The following DLG2 variants were observed in gnomAD, a reference collection of about 807,000 sequenced individuals.
DLG2 encodes the protein disks large homolog 2.
A neutral mutation model predicts 132.5 loss-of-function variants in DLG2; 45 were observed. That is an observed-to-expected ratio of 0.34 (90% CI 0.27 to 0.44). The LOEUF (loss-of-function observed/expected upper bound fraction) is 0.44, where lower values mean the gene tolerates loss of function less well. DLG2 is among the 20% of genes least tolerant of loss of function. The probability of loss-of-function intolerance (pLI) is 1.00; values close to 1 mark genes in which losing one functional copy is unlikely to be tolerated. For missense variants in DLG2, 1,045 were observed against 1,196.9 expected (o/e 0.87, Z 1.87); for synonymous variants, 424 against 419.6 (o/e 1.01, Z -0.13).
chr11:83,929,515 T>C (rs2079737734), intron 15 of DLG2, among the ~76,000 whole-genome samples: 1 of 152,216 alleles, frequency 6.6e-6, no homozygotes, highest in African/African-American at 2.4e-5. Flanking sequence ...ATTTATCATA[T>C]ATAGGCTTTG....
At chr11:84,238,987 A>G (rs10751112) in intron 8 of DLG2, among the ~76,000 whole-genome samples, 24,069 of 152,222 alleles carry the variant, frequency 0.16, 2,115 homozygotes, top group East Asian at 0.25. Flanking sequence ...TCACATGCAC[A>G]TTGATCCACA....
chr11:84,305,077 G>T (rs1461505520), intron 7 of DLG2, among the ~76,000 whole-genome samples: 1 of 152,164 alleles, frequency 6.6e-6, no homozygotes, highest in Non-Finnish European at 1.5e-5. Context: ...TTAAAATAGT[G>T]TGTTGAAAAC....
intron 8 of DLG2, among the ~76,000 whole-genome samples, chr11:84,228,571 G>T (rs2097043537): frequency 6.6e-6 from 1 of 152,132 alleles, no homozygotes; most frequent in South Asian, 2.1e-4. Context: ...AATAAAGTTG[G>T]CACATTCGGA....
intron 7 of DLG2, among the ~76,000 whole-genome samples, chr11:84,342,586 A>G (rs2098520275): frequency 6.6e-6 from 1 of 152,328 alleles, no homozygotes; most frequent in South Asian, 2.1e-4. Context: ...CAATATTATA[A>G]TATCTACCTA....
Position 84,377,602 on chromosome 11 carries a change from AAAG to A in DLG2, c.520-126314_520-126312del, listed in dbSNP as rs1161483281. Among the ~76,000 whole-genome samples, 11 of 152,222 alleles carry A rather than the reference AAAG, an allele frequency of 7.2e-5. No individual in the cohort carries two copies. The East Asian group carries it at 1.5e-3, about 21-fold the overall frequency. ...AATATTAAAATAAAAACATAAAAAG[AAAG>A]AAGAAGAACAAGTTTAAGCAAGTTT... On this transcript the variant is annotated intron_variant, in intron 7 of 27. Transcript: ENST00000376104.
At chr11:84,994,004 G>A (rs2057394052) in intron 6 of DLG2, among the ~76,000 whole-genome samples, 2 of 152,128 alleles carry the variant, frequency 1.3e-5, no homozygotes, top group Non-Finnish European at 2.9e-5. Context: ...AAACCTGCAT[G>A]TTCTGCACTT....
chr11:84,448,417 A>T (rs2099041851), intron 7 of DLG2, among the ~76,000 whole-genome samples: 2 of 152,010 alleles, frequency 1.3e-5, no homozygotes, highest in South Asian at 4.1e-4. Flanking sequence ...ATAATCTCTT[A>T]AATCCGGTGG....
At chr11:84,420,712 A>G (rs1325009167) in intron 7 of DLG2, among the ~76,000 whole-genome samples, 1 of 107,908 alleles carries the variant, frequency 9.3e-6, no homozygotes, top group Admixed American at 1.5e-4. Flanking sequence ...TCTGTCGCCC[A>G]GGCTGGAGTG....
chr11:83,850,160 G>GTGTGTGTGTGTGTGTGTGTGT (rs1452960432), intron 16 of DLG2, among the ~76,000 whole-genome samples: 1 of 124,304 alleles, frequency 8.0e-6, no homozygotes, highest in Non-Finnish European at 1.7e-5. Flanking sequence ...GTGTGTGTGT[G>GTGTGTGTGTGTGTGTGTGTGT]TTTTTTTACT....
intron 16 of DLG2, 33 bp from the exon 17 acceptor site, chr11:83,833,803 G>C (rs749294094): frequency 1.3e-6 from 2 of 1,599,016 alleles, no homozygotes; most frequent in Middle Eastern, 1.7e-4. Flanking sequence ...CAGCTCAGAG[G>C]GTGATCCATT....
chr11:85,290,170 A>T (rs2078805015), intron 3 of DLG2, among the ~76,000 whole-genome samples: 1 of 152,158 alleles, frequency 6.6e-6, no homozygotes, highest in Admixed American at 6.6e-5. Context: ...CTCACTCAGG[A>T]CTGCTAAACC....
At chr11:83,487,348 C>A (rs1388153218) in intron 21 of DLG2, among the ~76,000 whole-genome samples, 2 of 152,014 alleles carry the variant, frequency 1.3e-5, no homozygotes, top group African/African-American at 4.8e-5. Flanking sequence ...TTATTGAGCA[C>A]TTATGTGCCA....
intron 18 of DLG2, among the ~76,000 whole-genome samples, chr11:83,745,221 T>C (rs1339754518): frequency 1.3e-5 from 2 of 152,226 alleles, no homozygotes; most frequent in Non-Finnish European, 2.9e-5. Flanking sequence ...CCAAATGCTG[T>C]GAAAACAAAT....
chr11:85,068,011 A>G (rs2065194097), intron 6 of DLG2, among the ~76,000 whole-genome samples: 1 of 152,150 alleles, frequency 6.6e-6, no homozygotes, highest in Admixed American at 6.6e-5. Flanking sequence ...GCAAATCAAT[A>G]AACGTAACCC....
At chr11:84,786,038 C>T (rs1323182783) in intron 6 of DLG2, among the ~76,000 whole-genome samples, 1 of 152,072 alleles carries the variant, frequency 6.6e-6, no homozygotes, top group African/African-American at 2.4e-5. Context: ...TACAGATGTT[C>T]ATATCTACTA....
At chr11:84,049,378 G>A (rs748794348) in intron 11 of DLG2, among the ~76,000 whole-genome samples, 1 of 151,720 alleles carries the variant, frequency 6.6e-6, no homozygotes, top group Non-Finnish European at 1.5e-5. Flanking sequence ...CCAATTTCTT[G>A]TACATACAAT....
chr11:84,168,201 C>A (rs1294790928), intron 8 of DLG2, among the ~76,000 whole-genome samples: 1 of 152,142 alleles, frequency 6.6e-6, no homozygotes, highest in Non-Finnish European at 1.5e-5. Flanking sequence ...TATATTAAGG[C>A]CTCATACAAG....
chr11:85,166,156 ATCTC>A, intron 4 of DLG2, among the ~76,000 whole-genome samples: 1 of 152,112 alleles, frequency 6.6e-6, no homozygotes. Context: ...ATTCAGAAAC[ATCTC>A]TCTCTCCTAT....
At chr11:84,593,862 C>T (rs2099549939) in intron 6 of DLG2, among the ~76,000 whole-genome samples, 1 of 152,146 alleles carries the variant, frequency 6.6e-6, no homozygotes, top group South Asian at 2.1e-4. Flanking sequence ...AAACATGCCC[C>T]ATCTTTGATA....
Sources: gnomAD v4.1 joint callset for allele counts (sites outside exome capture counted in the v4.1 genomes callset) on GRCh38, gnomAD v4.1.1 for gene constraint, MANE v1.5 for transcripts, NCBI Gene and HGNC (gene_info 2026-07-23, HGNC 2026-07-21) for gene names.